The following MPHOSPH9 variants were observed in gnomAD, a reference collection of about 807,000 sequenced individuals.
MPHOSPH9 encodes the protein M-phase phosphoprotein 9.
In MPHOSPH9, 88 loss-of-function variants were observed where a neutral mutation model predicts 145.5. That is an observed-to-expected ratio of 0.60 (90% CI 0.51 to 0.72). MPHOSPH9 has a LOEUF of 0.72. MPHOSPH9 is among the 30% of genes least tolerant of loss of function. The pLI is 0.00. For missense variants in MPHOSPH9, 1,238 were observed against 1,386.6 expected (o/e 0.89, Z 1.70); for synonymous variants, 435 against 486.2 (o/e 0.89, Z 1.39).
At chr12:123,188,032 C>A (rs1252395816) in intron 13 of MPHOSPH9, among the ~76,000 whole-genome samples, 1 of 151,956 alleles carries the variant, frequency 6.6e-6, no homozygotes, top group Non-Finnish European at 1.5e-5. Flanking sequence ...GAGGTTGAGG[C>A]AAGAGATTGC....
chr12:123,161,392 G>A lies in MPHOSPH9; in HGVS notation c.3134-9C>T. ...CTCAGAATAAGTTTTTTCTGTCAGA[G>A]AGGAGAGAAATTGCTTATATTTCTT... On this transcript the variant is annotated splice_polypyrimidine_tract_variant and intron_variant, in intron 21 of 23. Coordinates refer to ENST00000606320, the MANE Select transcript of MPHOSPH9 (RefSeq NM_022782.4). The A allele has an allele frequency of 6.2e-7, 1 of 1,613,428 alleles. No individual in the cohort carries two copies. Among genetic ancestry groups the A allele is most frequent in the Non-Finnish European group, 8.5e-7 (1 of 1,179,656 alleles).
intron 17 of MPHOSPH9, 49 bp from the exon 18 acceptor site, chr12:123,165,526 A>C: frequency 2.6e-6 from 4 of 1,521,958 alleles, no homozygotes; most frequent in Non-Finnish European, 2.7e-6. Context: ...AAATGTCTGT[A>C]TCTTGCCCCC....
chr12:123,210,254 T>C (rs2046645201), intron 7 of MPHOSPH9, 92 bp from the exon 8 acceptor site: 1 of 655,190 alleles, frequency 1.5e-6, no homozygotes, highest in Admixed American at 3.2e-5. Flanking sequence ...AAATTAAATA[T>C]GGGAAGAAAT....
intron 7 of MPHOSPH9, among the ~76,000 whole-genome samples, chr12:123,214,319 G>A (rs983168169): frequency 6.6e-6 from 1 of 152,054 alleles, no homozygotes; most frequent in Non-Finnish European, 1.5e-5. Flanking sequence ...CTGGTGGATT[G>A]CTTGCACCCA....
chr12:123,160,809 C>T lies in MPHOSPH9; in HGVS notation c.3422G>A (p.Arg1141Gln). 6.2e-7 allele frequency: 1 copy of T among 1,613,936 alleles called. No homozygotes were observed. Among genetic ancestry groups the T allele is most frequent in the Non-Finnish European group, 8.5e-7 (1 of 1,180,012 alleles). The change falls in exon 23 of 24, where the codon CGA becomes CAA. Residue 1141 changes from arginine to glutamine, a missense_variant. Physicochemically the swap from Arg to Gln is conservative, Grantham distance 43. Coordinates refer to ENST00000606320, the MANE Select transcript of MPHOSPH9 (RefSeq NM_022782.4). ...ATTTAATCTTGTCTGTAAAGTGATT[C>T]GTCCTCCAGGAGAAGGCATCCTGCT... ...ALSRMPSPGG[R>Q]ITLQTRLNQE...
At chr12:123,158,693 G>A (rs1400793592) in intron 23 of MPHOSPH9, among the ~76,000 whole-genome samples, 2 of 151,604 alleles carry the variant, frequency 1.3e-5, no homozygotes, top group African/African-American at 4.8e-5. Flanking sequence ...GTGCAGTGGT[G>A]CAATCTCAGC....
chr12:123,202,829 A>G lies in MPHOSPH9; in HGVS notation c.1576T>C (p.Phe526Leu), dbSNP rs758357971. Residue 526 changes from phenylalanine to leucine, a missense_variant, in exon 10 of 24, where the codon TTC becomes CTC. By Grantham distance (22) the Phe-to-Leu change is conservative. Coordinates refer to ENST00000606320, the MANE Select transcript of MPHOSPH9 (RefSeq NM_022782.4). ...GAACTGGTCCTACTTTCGTTTTGGA[A>G]TGTCTGATTTTTCCAAGAGTCCACC... ...SPVDSWKNQTFQNESRTSSTF... is the reference protein window; with the variant it reads ...SPVDSWKNQTLQNESRTSSTF... 3.7e-6 allele frequency: 6 copies of G among 1,614,068 alleles called. No individual in the cohort carries two copies. The East Asian group carries it at 8.9e-5, about 24-fold the overall frequency.
rs964074712 is a variant in MPHOSPH9 at position 123,155,884 on chromosome 12, C to A, written c.*923G>T. On this transcript the variant is annotated 3_prime_UTR_variant, in exon 24 of 24. Transcript: ENST00000606320. ...TCTAAAGTCTAGTGTTCTTACAGCACCTACAGTGGAAATATTTTCCTTTTG... is the reference window on the plus strand; with the variant it reads ...TCTAAAGTCTAGTGTTCTTACAGCAACTACAGTGGAAATATTTTCCTTTTG... The A allele has an allele frequency of 6.6e-6, 1 of 152,240 alleles. No homozygotes were observed. The highest frequency in any genetic ancestry group is 2.1e-4 in the South Asian group (1 of 4,832). 9.4% of individuals were successfully genotyped at this position (152,240 alleles called of 1,614,324 possible). A position where few individuals can be genotyped will look rare whatever the true frequency, so the allele number is the denominator to read the frequency against.
intron 2 of MPHOSPH9, among the ~76,000 whole-genome samples, chr12:123,229,885 A>G (rs2047575246): frequency 6.8e-6 from 1 of 146,628 alleles, no homozygotes; most frequent in African/African-American, 2.5e-5. Flanking sequence ...GCAGTGGCGC[A>G]ATCTTGGCTC....
intron 8 of MPHOSPH9, among the ~76,000 whole-genome samples, chr12:123,206,634 C>A (rs1163785205): frequency 6.6e-6 from 1 of 152,012 alleles, no homozygotes; most frequent in East Asian, 1.9e-4. Flanking sequence ...ATATAATAAG[C>A]CAGGCACAGT....
intron 13 of MPHOSPH9, among the ~76,000 whole-genome samples, chr12:123,186,831 C>T (rs567358432): frequency 2.0e-4 from 30 of 152,134 alleles, no homozygotes; most frequent in Admixed American, 2.0e-4. Flanking sequence ...CATGGTGGCA[C>T]GCGCCTGTAA....
chr12:123,229,765 A>C (rs1468083273), intron 2 of MPHOSPH9, among the ~76,000 whole-genome samples: 2 of 152,136 alleles, frequency 1.3e-5, no homozygotes, highest in African/African-American at 4.8e-5. Context: ...CTCTGAGAGA[A>C]ATGAGAAACA....
chr12:123,190,450 G>A (rs571130065), intron 13 of MPHOSPH9, among the ~76,000 whole-genome samples: 13 of 152,114 alleles, frequency 8.5e-5, no homozygotes, highest in East Asian at 3.9e-4. Flanking sequence ...ACACCCGGCC[G>A]GAGTATTTTA....
intron 13 of MPHOSPH9, 32 bp downstream of exon 13, chr12:123,194,354 A>C: frequency 7.5e-7 from 1 of 1,330,098 alleles, no homozygotes. Flanking sequence ...TTAGCCAATC[A>C]CGTCATTAAG....
chr12:123,196,722 A>G (rs1479903685), intron 12 of MPHOSPH9, among the ~76,000 whole-genome samples: 1 of 152,222 alleles, frequency 6.6e-6, no homozygotes, highest in East Asian at 1.9e-4. Flanking sequence ...ACAAACATTC[A>G]TAGCAATATA....
Position 123,202,858 on chromosome 12 carries a change from G to A in MPHOSPH9, c.1547C>T (p.Ser516Phe), listed in dbSNP as rs1435279777. 1.2e-6 allele frequency: 2 copies of A among 1,614,202 alleles called. No homozygotes were observed. Among genetic ancestry groups the A allele is most frequent in the African/African-American group, 1.3e-5 (1 of 75,056 alleles). ...CTGATTTTTCCAAGAGTCCACCGGA[G>A]AAGCTTTTGTGTGTGAGGGATATTT... Reference protein sequence around the residue: ...FPKYPSHTKASPVDSWKNQTF... With the variant: ...FPKYPSHTKAFPVDSWKNQTF... The change falls in exon 10 of 24, where the codon TCT becomes TTT. Residue 516 changes from serine (S) to phenylalanine (F), a missense_variant. Ser to Phe is a radical substitution (Grantham distance 155). Transcript: ENST00000606320.
At chr12:123,157,496 T>C (rs2043920037) in intron 23 of MPHOSPH9, among the ~76,000 whole-genome samples, 1 of 152,242 alleles carries the variant, frequency 6.6e-6, no homozygotes, top group African/African-American at 2.4e-5. Flanking sequence ...TGTGTTTTTG[T>C]TGAGACAGGG....
At chr12:123,172,713 G>C (rs978332134) in intron 16 of MPHOSPH9, among the ~76,000 whole-genome samples, 5 of 152,008 alleles carry the variant, frequency 3.3e-5, no homozygotes, top group African/African-American at 1.2e-4. Flanking sequence ...TTACTCAGGG[G>C]CCTCACAAAA....
chr12:123,226,322 G>T, intron 3 of MPHOSPH9: 1 of 1,157,542 alleles, frequency 8.6e-7, no homozygotes, highest in Non-Finnish European at 1.1e-6. Context: ...TCTTAAACCA[G>T]GTAATCTTTC....
Sources: gnomAD v4.1 joint callset for allele counts (sites outside exome capture counted in the v4.1 genomes callset) on GRCh38, gnomAD v4.1.1 for gene constraint, MANE v1.5 for transcripts, NCBI Gene and HGNC (gene_info 2026-07-23, HGNC 2026-07-21) for gene names.